The following IGF2BP3 variants were observed in gnomAD, a reference collection of about 807,000 sequenced individuals.
The protein encoded by IGF2BP3 is insulin-like growth factor 2 mRNA-binding protein 3.
In IGF2BP3, 9 loss-of-function variants were observed where a neutral mutation model predicts 73.8. The ratio of observed to expected loss-of-function variants is 0.12; its 90% CI spans 0.07 to 0.21. IGF2BP3 has a LOEUF of 0.21. Among genes scored for constraint, IGF2BP3 ranks in the 10% least tolerant of loss-of-function variants. IGF2BP3 has a pLI of 1.00. For synonymous variants in IGF2BP3, 258 were observed against 256.7 expected, an observed-to-expected ratio of 1.01 and a Z score of -0.05; for missense variants, 542 against 714.0, an observed-to-expected ratio of 0.76 and a Z score of 2.75.
At chr7:23,467,757 C>G (rs915096241) in intron 2 of IGF2BP3, 2 of 152,418 alleles carry the variant, frequency 1.3e-5, no homozygotes, top group Non-Finnish European at 2.9e-5. Flanking sequence ...TTCTGTAAAG[C>G]GACATACTAC....
chr7:23,349,718 A>G (rs1784912947), intron 6 of IGF2BP3, among the ~76,000 whole-genome samples: 1 of 152,208 alleles, frequency 6.6e-6, no homozygotes, highest in African/African-American at 2.4e-5. Flanking sequence ...ATCATCGGAT[A>G]TAACAAAAAT....
intron 3 of IGF2BP3, among the ~76,000 whole-genome samples, chr7:23,378,497 A>G (rs2128515623): frequency 6.8e-6 from 1 of 146,886 alleles, no homozygotes; most frequent in Middle Eastern, 3.7e-3. Context: ...GGTTCAAGCA[A>G]TTCTCCTGTT....
intron 7 of IGF2BP3, 132 bp downstream of exon 7, chr7:23,347,468 G>T: frequency 1.1e-6 from 1 of 885,590 alleles, no homozygotes; most frequent in Non-Finnish European, 1.8e-6. Flanking sequence ...GATCAACAGT[G>T]CCAACCACTG....
At chr7:23,331,151 C>T (rs1562677586) in intron 10 of IGF2BP3, among the ~76,000 whole-genome samples, 1 of 152,156 alleles carries the variant, frequency 6.6e-6, no homozygotes, top group African/African-American at 2.4e-5. Context: ...ATGATTTCTT[C>T]CTTTCTTTAA....
Position 23,317,731 on chromosome 7 carries a change from A to G in IGF2BP3, c.1321-18T>C, listed in dbSNP as rs1194880307. 2 of 1,604,130 alleles carry G rather than the reference A, an allele frequency of 1.2e-6. No individual in the cohort carries two copies. Among genetic ancestry groups the G allele is most frequent in the Admixed American group, 3.3e-5 (2 of 59,984 alleles). On this transcript the variant is annotated intron_variant, in intron 11 of 14. Coordinates refer to ENST00000258729, the MANE Select transcript of IGF2BP3 (RefSeq NM_006547.3). ...GGAGCAATCTGTAACAGACCCAACA[A>G]CAAGTTATGATACTTTCAGGTATCA...
At chr7:23,339,631 GAA>G (rs1219106292) in intron 10 of IGF2BP3, among the ~76,000 whole-genome samples, 1 of 152,008 alleles carries the variant, frequency 6.6e-6, no homozygotes, top group African/African-American at 2.4e-5. Flanking sequence ...AGTATAGAGA[GAA>G]AAAAAGAGTT....
At chr7:23,391,999 C>G (rs1392340627) in intron 3 of IGF2BP3, among the ~76,000 whole-genome samples, 1 of 152,212 alleles carries the variant, frequency 6.6e-6, no homozygotes, top group Non-Finnish European at 1.5e-5. Flanking sequence ...TTATTAATAG[C>G]TCTTCTAGGA....
At chr7:23,457,159 C>T (rs1054393320) in intron 2 of IGF2BP3, among the ~76,000 whole-genome samples, 3 of 151,974 alleles carry the variant, frequency 2.0e-5, no homozygotes, top group East Asian at 1.9e-4. Flanking sequence ...TAAGAATTTA[C>T]GTTATAAAAA....
intron 8 of IGF2BP3, among the ~76,000 whole-genome samples, chr7:23,345,336 G>C (rs533865861): frequency 5.3e-4 from 81 of 152,326 alleles, no homozygotes; most frequent in African/African-American, 1.9e-3. Flanking sequence ...GCTGACTTGT[G>C]TAAACAACAT....
chr7:23,341,212 G>T (rs368729864), intron 10 of IGF2BP3, among the ~76,000 whole-genome samples: 1 of 151,948 alleles, frequency 6.6e-6, no homozygotes, highest in Non-Finnish European at 1.5e-5. Context: ...ATGTATGCAC[G>T]CACACACACA....
At chr7:23,314,184 ATTT>A in intron 12 of IGF2BP3, among the ~76,000 whole-genome samples, 1 of 127,846 alleles carries the variant, frequency 7.8e-6, no homozygotes, top group African/African-American at 2.9e-5. Flanking sequence ...CACCTGACTT[ATTT>A]TTTTTTTTTT....
chr7:23,400,677 G>A (rs1389828411), intron 3 of IGF2BP3, among the ~76,000 whole-genome samples: 2 of 152,230 alleles, frequency 1.3e-5, no homozygotes, highest in Non-Finnish European at 2.9e-5. Context: ...CCTCATGACT[G>A]TGTGCATGGA....
intron 7 of IGF2BP3, among the ~76,000 whole-genome samples, 155 bp downstream of exon 7, chr7:23,347,445 C>T (rs142963491): frequency 1.5e-4 from 23 of 152,294 alleles, no homozygotes; most frequent in Non-Finnish European, 3.2e-4. Flanking sequence ...AAAAGACATA[C>T]ACTTCACAAC....
At chr7:23,439,487 G>A (rs1009596956) in intron 2 of IGF2BP3, among the ~76,000 whole-genome samples, 3 of 149,946 alleles carry the variant, frequency 2.0e-5, no homozygotes, top group Non-Finnish European at 4.4e-5. Context: ...TGAGTAGGGG[G>A]CGGAGCTTGC....
Position 23,319,272 on chromosome 7 carries a change from C to A in IGF2BP3, c.1204-18G>T. On this transcript the variant is annotated intron_variant, in intron 10 of 14. Coordinates refer to ENST00000258729, the MANE Select transcript of IGF2BP3 (RefSeq NM_006547.3). ...TCTGATTGCTGTTAGAAAAGAAAGC[C>A]AGGACACCCATGTTTATTTGCTACA... 6.7e-7 allele frequency: 1 copy of A among 1,502,974 alleles called. No individual in the cohort carries two copies. The highest frequency in any genetic ancestry group is 1.8e-5 in the Admixed American group (1 of 57,108). The allele number at this position is 1,502,974 out of a possible 1,614,324, so 93.1% of individuals were successfully genotyped here.
At chr7:23,392,433 C>CTCAT (rs375761527) in intron 3 of IGF2BP3, among the ~76,000 whole-genome samples, 3 of 141,932 alleles carry the variant, frequency 2.1e-5, no homozygotes, top group African/African-American at 5.3e-5. Context: ...AGCTTATCAT[C>CTCAT]ATATATATAT....
intron 2 of IGF2BP3, among the ~76,000 whole-genome samples, chr7:23,430,320 T>C (rs1254610986): frequency 6.6e-6 from 1 of 152,232 alleles, no homozygotes; most frequent in Non-Finnish European, 1.5e-5. Context: ...CCTGACCTCG[T>C]GATCCGCCCG....
chr7:23,393,838 G>A (rs941213333), intron 3 of IGF2BP3, among the ~76,000 whole-genome samples: 1 of 152,160 alleles, frequency 6.6e-6, no homozygotes, highest in Non-Finnish European at 1.5e-5. Context: ...AGTGAGAAGA[G>A]TCTCTCCTTG....
At chr7:23,351,227 A>G (rs1046435708) in intron 6 of IGF2BP3, 78 bp downstream of exon 6, 2 of 1,527,438 alleles carry the variant, frequency 1.3e-6, no homozygotes, top group Admixed American at 1.8e-5. Flanking sequence ...AAGGGCACCA[A>G]GTACCAGAAC....
Sources: allele counts gnomAD v4.1 joint callset (sites outside exome capture counted in the v4.1 genomes callset), GRCh38; gene constraint gnomAD v4.1.1; transcripts MANE v1.5; gene names NCBI Gene and HGNC (gene_info 2026-07-23, HGNC 2026-07-21).